Variants in TMEM120B observed in about 807,000 individuals in gnomAD.
TMEM120B encodes transmembrane protein 120B.
Under a neutral mutation model 55.5 loss-of-function variants are expected in TMEM120B, and 31 were observed. The observed-to-expected ratio is 0.56, with a 90% CI of 0.42 to 0.75. TMEM120B has a LOEUF of 0.75. Among genes scored for constraint, TMEM120B ranks in the 30% least tolerant of loss-of-function variants. TMEM120B has a pLI of 0.00. For synonymous variants in TMEM120B, 203 were observed against 176.3 expected (o/e 1.15, Z -1.20); for missense variants, 399 against 425.5 (o/e 0.94, Z 0.55).
At chr12:121,724,096 G>T (rs1894846050) in intron 1 of TMEM120B, among the ~76,000 whole-genome samples, 1 of 129,040 alleles carries the variant, frequency 7.7e-6, no homozygotes, top group Non-Finnish European at 1.6e-5. Flanking sequence ...GGAGTGCAGT[G>T]GCACGATCTC....
chr12:121,727,347 G>A (rs2137022698), intron 1 of TMEM120B, among the ~76,000 whole-genome samples: 1 of 151,508 alleles, frequency 6.6e-6, no homozygotes, highest in African/African-American at 2.4e-5. Context: ...ACCAGCCTGG[G>A]CAGCATAATG....
At chr12:121,771,270 G>A (rs1202154618) in intron 7 of TMEM120B, among the ~76,000 whole-genome samples, 8 of 152,174 alleles carry the variant, frequency 5.3e-5, no homozygotes, top group Non-Finnish European at 1.0e-4. Flanking sequence ...GGGGTCACAG[G>A]GAGTTAGCGC....
At chr12:121,726,337 T>C (rs1894891318) in intron 1 of TMEM120B, among the ~76,000 whole-genome samples, 1 of 151,844 alleles carries the variant, frequency 6.6e-6, no homozygotes, top group Non-Finnish European at 1.5e-5. Flanking sequence ...CCCAGCACTT[T>C]GGGAGGCCGA....
In TMEM120B at chr12:121,776,001, G is replaced by A; in HGVS notation, c.*279G>A. Reference sequence around the variant, plus strand: ...GGCTGAGGCCGGGCCAGTCTTCCTGGGGATGGGGCCTGAAGCCTCAGGGAG... The same window carrying A: ...GGCTGAGGCCGGGCCAGTCTTCCTGAGGATGGGGCCTGAAGCCTCAGGGAG... On this transcript the variant is annotated 3_prime_UTR_variant, in exon 12 of 12. Coordinates refer to ENST00000449592, the MANE Select transcript of TMEM120B (RefSeq NM_001080825.2). 1.7e-6 allele frequency: 1 copy of A among 593,136 alleles called. No individual in the cohort carries two copies. Among genetic ancestry groups the A allele is most frequent in the Non-Finnish European group, 3.0e-6 (1 of 332,472 alleles). The allele number at this position is 593,136 out of a possible 1,614,324, so 36.7% of individuals were successfully genotyped here.
intron 1 of TMEM120B, among the ~76,000 whole-genome samples, chr12:121,730,661 AAAC>A (rs1386255488): frequency 1.5e-4 from 22 of 148,604 alleles, no homozygotes; most frequent in East Asian, 2.1e-4. Context: ...AAAAAAAAAA[AAAC>A]AAACAAAAAA....
chr12:121,738,239 CAG>C (rs1483568443), intron 1 of TMEM120B, among the ~76,000 whole-genome samples: 1 of 151,786 alleles, frequency 6.6e-6, no homozygotes, highest in Non-Finnish European at 1.5e-5. Context: ...AGCCTGGCCA[CAG>C]AGAGAGACTC....
chr12:121,748,562 G>A (rs1873176714), intron 3 of TMEM120B, 120 bp downstream of exon 3: 3 of 671,626 alleles, frequency 4.5e-6, no homozygotes, highest in East Asian at 3.0e-5. Flanking sequence ...AGGGAAACAA[G>A]GGCAGGAGAG....
chr12:121,755,185 G>T (rs1384454512), intron 5 of TMEM120B, among the ~76,000 whole-genome samples: 1 of 152,164 alleles, frequency 6.6e-6, no homozygotes, highest in South Asian at 2.1e-4. Flanking sequence ...TGGTTTCCTG[G>T]CTAGGCTCCC....
At position 121,743,679 on chromosome 12, in the gene TMEM120B, G is replaced by A; in HGVS notation, c.120G>A (p.Gln40=). ...KQKLEELAAL[Q]TLCSSSISKQ... is the part of the protein sequence containing the mutation. ...AGCTGGAGGAGCTGGCTGCGCTGCA[G>A]ACGCTGTGTAGCAGTTCCATCAGTA... The change falls in exon 2 of 12, where the codon CAG becomes CAA. Residue 40 remains glutamine, a synonymous_variant. Coordinates refer to ENST00000449592, the MANE Select transcript of TMEM120B (RefSeq NM_001080825.2). 6.2e-7 allele frequency: 1 copy of A among 1,613,718 alleles called. No individual in the cohort carries two copies.
At chr12:121,734,521 G>T (rs938302887) in intron 1 of TMEM120B, among the ~76,000 whole-genome samples, 2 of 152,054 alleles carry the variant, frequency 1.3e-5, no homozygotes, top group Admixed American at 6.6e-5. Flanking sequence ...GCATCCGAAA[G>T]TGCTGGGATT....
chr12:121,749,114 A>C (rs779814492), intron 3 of TMEM120B, among the ~76,000 whole-genome samples: 11 of 152,166 alleles, frequency 7.2e-5, no homozygotes, highest in Non-Finnish European at 1.5e-4. Context: ...AGAGCCGTGC[A>C]TTAGGAGGAG....
At chr12:121,726,035 C>A (rs367674431) in intron 1 of TMEM120B, among the ~76,000 whole-genome samples, 746 of 126,484 alleles carry the variant, frequency 5.9e-3, no homozygotes, top group East Asian at 7.4e-3. Context: ...GACTCTGTCT[C>A]AAAAAAAAAA....
Position 121,776,401 on chromosome 12 carries a change from G to C in TMEM120B, c.*679G>C, listed in dbSNP as rs1282124920. ...TCCCGTCTGTGCTTCGGGGTTCCCT[G>C]ACCCCCCCATCCTGCAGCCCACCTT... On this transcript the variant is annotated 3_prime_UTR_variant, in exon 12 of 12. Transcript: ENST00000449592. 1.3e-5 allele frequency: 2 copies of C among 153,258 alleles called. No individual in the cohort carries two copies. The highest frequency in any genetic ancestry group is 4.8e-5 in the African/African-American group (2 of 41,454). The allele number at this position is 153,258 out of a possible 1,614,324, so 9.5% of individuals were successfully genotyped here. A position where few individuals can be genotyped will look rare whatever the true frequency, so the allele number is the denominator to read the frequency against.
intron 8 of TMEM120B, 45 bp downstream of exon 8, chr12:121,771,594 T>A (rs1404548516): frequency 6.3e-7 from 1 of 1,583,702 alleles, no homozygotes; most frequent in East Asian, 2.2e-5. Flanking sequence ...CATGGTTTTC[T>A]GAGACTTTCA....
At chr12:121,751,235 C>CA in intron 4 of TMEM120B, among the ~76,000 whole-genome samples, 1 of 128,232 alleles carries the variant, frequency 7.8e-6, no homozygotes, top group Non-Finnish European at 1.7e-5. Flanking sequence ...CCCCACACCC[C>CA]CATTCACACC....
intron 8 of TMEM120B, among the ~76,000 whole-genome samples, chr12:121,772,747 C>T (rs1348444708): frequency 1.3e-5 from 2 of 152,300 alleles, no homozygotes; most frequent in African/African-American, 4.8e-5. Flanking sequence ...GATACTACAA[C>T]CTACATTTTA....
At chr12:121,717,462 T>G (rs912055334) in intron 1 of TMEM120B, among the ~76,000 whole-genome samples, 3 of 152,148 alleles carry the variant, frequency 2.0e-5, no homozygotes, top group Admixed American at 6.6e-5. Context: ...CCTATGAAAT[T>G]GATCCTAGAA....
chr12:121,758,214 C>A, intron 5 of TMEM120B: 2 of 985,474 alleles, frequency 2.0e-6, no homozygotes, highest in Non-Finnish European at 2.4e-6. Context: ...TCACAGAGTT[C>A]TTTTCCCTGG....
intron 6 of TMEM120B, among the ~76,000 whole-genome samples, chr12:121,763,590 G>A (rs1873752644): frequency 6.6e-6 from 1 of 151,996 alleles, no homozygotes; most frequent in Non-Finnish European, 1.5e-5. Flanking sequence ...TCACAGGTGC[G>A]TGCCACCACG....
Sources: gnomAD v4.1 joint callset for allele counts (sites outside exome capture counted in the v4.1 genomes callset) on GRCh38, gnomAD v4.1.1 for gene constraint, MANE v1.5 for transcripts, NCBI Gene and HGNC (gene_info 2026-07-23, HGNC 2026-07-21) for gene names.